Variants in KCNQ3 observed in about 807,000 individuals in gnomAD.
KCNQ3 encodes the protein potassium voltage-gated channel subfamily Q member 3, also known as potassium voltage-gated channel subfamily KQT member 3.
In KCNQ3, 30 loss-of-function variants were observed where a neutral mutation model predicts 92.5. The observed-to-expected ratio is 0.32, with a 90% CI of 0.24 to 0.44. The LOEUF is 0.44. Ranked by LOEUF, KCNQ3 falls within the 20% of genes least tolerant of loss-of-function variation. The probability of loss-of-function intolerance (pLI) is 1.00; values close to 1 mark genes in which losing one functional copy is unlikely to be tolerated. For synonymous variants in KCNQ3, 450 were observed against 468.8 expected (o/e 0.96, Z 0.52); for missense variants, 913 against 1,140.3 (o/e 0.80, Z 2.87).
At chr8:132,318,592 AT>A in intron 1 of KCNQ3, among the ~76,000 whole-genome samples, 1 of 152,252 alleles carries the variant, frequency 6.6e-6, no homozygotes. Flanking sequence ...AGTCCTTGCT[AT>A]TTGGTGTTGC....
At chr8:132,253,606 G>T (rs182761131) in intron 1 of KCNQ3, among the ~76,000 whole-genome samples, 71 of 152,302 alleles carry the variant, frequency 4.7e-4, no homozygotes, top group Non-Finnish European at 8.4e-4. Flanking sequence ...ACATGTGTTT[G>T]CATTTTCCCT....
At chr8:132,423,969 T>TA (rs202140716) in intron 1 of KCNQ3, among the ~76,000 whole-genome samples, 1,524 of 151,356 alleles carry the variant, frequency 0.01, 13 homozygotes, top group Non-Finnish European at 0.016. Flanking sequence ...TTCTGGGATT[T>TA]AAAAAAAAAC....
At chr8:132,403,580 A>G (rs1820404539) in intron 1 of KCNQ3, among the ~76,000 whole-genome samples, 1 of 152,188 alleles carries the variant, frequency 6.6e-6, no homozygotes, top group Non-Finnish European at 1.5e-5. Context: ...AAGGAACACC[A>G]ATGATCCATC....
chr8:132,199,324 T>C (rs1050780408), intron 1 of KCNQ3, among the ~76,000 whole-genome samples: 19 of 152,240 alleles, frequency 1.2e-4, no homozygotes, highest in Non-Finnish European at 2.4e-4. Context: ...CCCCAATTAA[T>C]ACCTGAGTAA....
At chr8:132,345,563 A>G (rs1243529576) in intron 1 of KCNQ3, among the ~76,000 whole-genome samples, 1 of 152,228 alleles carries the variant, frequency 6.6e-6, no homozygotes, top group Non-Finnish European at 1.5e-5. Flanking sequence ...AATCCCATAT[A>G]CAGTGAGAGC....
intron 1 of KCNQ3, among the ~76,000 whole-genome samples, chr8:132,429,620 G>A (rs1821196920): frequency 6.6e-6 from 1 of 152,106 alleles, no homozygotes; most frequent in Non-Finnish European, 1.5e-5. Context: ...CAGCACGTTG[G>A]GAAGCCAAGG....
intron 1 of KCNQ3, among the ~76,000 whole-genome samples, chr8:132,396,250 C>G (rs551452167): frequency 3.3e-5 from 5 of 152,250 alleles, no homozygotes; most frequent in Non-Finnish European, 5.9e-5. Context: ...ACTTGGGTCT[C>G]CCATCCAGTT....
At position 132,394,074 on chromosome 8, in the gene KCNQ3, C is replaced by A. The variant is rs149777356; in HGVS notation, c.386+86073G>T. Among the ~76,000 whole-genome samples, 315 of 152,312 alleles carry A rather than the reference C, an allele frequency of 2.1e-3. 3 individuals carry two copies. The highest frequency in any genetic ancestry group is 2.0e-3 in the Non-Finnish European group (135 of 68,032). On this transcript the variant is annotated intron_variant, in intron 1 of 14. Transcript: ENST00000388996. ...GAAACAGCCAAATACCAACCACGTG[C>A]CAGGCACCAGGCTGCCGGCATTAGA...
At chr8:132,408,157 G>GT in intron 1 of KCNQ3, among the ~76,000 whole-genome samples, 1 of 149,864 alleles carries the variant, frequency 6.7e-6, no homozygotes. Context: ...GGGTAACATC[G>GT]TTTTTTTAAA....
chr8:132,183,407 T>C (rs570989500), intron 3 of KCNQ3, among the ~76,000 whole-genome samples: 11 of 152,118 alleles, frequency 7.2e-5, no homozygotes, highest in Non-Finnish European at 1.5e-4. Flanking sequence ...GACCACTTAA[T>C]GGCTGCTGCT....
chr8:132,317,189 G>T (rs1356586266), intron 1 of KCNQ3, among the ~76,000 whole-genome samples: 1 of 152,056 alleles, frequency 6.6e-6, no homozygotes, highest in Non-Finnish European at 1.5e-5. Context: ...GTTTAATAAA[G>T]GTTTATGGAA....
chr8:132,181,885 A>C (rs1406389239), intron 3 of KCNQ3, among the ~76,000 whole-genome samples: 2 of 150,906 alleles, frequency 1.3e-5, no homozygotes, highest in East Asian at 3.9e-4. Context: ...TACTAAAAAT[A>C]CAAAAAAAAA....
chr8:132,411,021 G>A (rs1019758631), intron 1 of KCNQ3, among the ~76,000 whole-genome samples: 3 of 152,228 alleles, frequency 2.0e-5, no homozygotes, highest in African/African-American at 7.2e-5. Context: ...CTATAAAGCT[G>A]CAGGTGATGC....
intron 9 of KCNQ3, among the ~76,000 whole-genome samples, chr8:132,162,702 A>G (rs1826026872): frequency 6.6e-6 from 1 of 152,188 alleles, no homozygotes; most frequent in African/African-American, 2.4e-5. Context: ...GTCTCTTCCA[A>G]GTGGGATTTT....
At chr8:132,174,666 T>C (rs1826487814) in intron 5 of KCNQ3, among the ~76,000 whole-genome samples, 1 of 152,238 alleles carries the variant, frequency 6.6e-6, no homozygotes, top group Non-Finnish European at 1.5e-5. Flanking sequence ...TGTGAATATA[T>C]GTGTGCTTGT....
At chr8:132,317,340 A>C (rs1817772437) in intron 1 of KCNQ3, among the ~76,000 whole-genome samples, 1 of 152,286 alleles carries the variant, frequency 6.6e-6, no homozygotes, top group South Asian at 2.1e-4. Context: ...AAAAACCATC[A>C]ATTTTCATGC....
chr8:132,369,935 C>T (rs917731513), intron 1 of KCNQ3, among the ~76,000 whole-genome samples: 3 of 152,226 alleles, frequency 2.0e-5, no homozygotes, highest in African/African-American at 4.8e-5. Flanking sequence ...ACTTTCCTCA[C>T]TCTAGGGCTT....
rs549823298 is a variant in KCNQ3, at chr8:132,383,632, T to C, written c.386+96515A>G. Among the ~76,000 whole-genome samples, 101 of 152,326 alleles carry C rather than the reference T, an allele frequency of 6.6e-4. 1 individual carries two copies. The highest frequency in any genetic ancestry group is 2.4e-3 in the Admixed American group (37 of 15,306). ...TAAACACTGGAGGGACAGACAGGAC[T>C]GTGCTTGTTCATCTCTACAGCCCTC... On this transcript the variant is annotated intron_variant, in intron 1 of 14. Transcript: ENST00000388996.
At chr8:132,359,925 T>C (rs1039629508) in intron 1 of KCNQ3, among the ~76,000 whole-genome samples, 4 of 152,212 alleles carry the variant, frequency 2.6e-5, no homozygotes, top group Non-Finnish European at 5.9e-5. Flanking sequence ...TGACTTCATC[T>C]GCATCTCCAT....
Sources: allele counts gnomAD v4.1 joint callset (sites outside exome capture counted in the v4.1 genomes callset), GRCh38; gene constraint gnomAD v4.1.1; transcripts MANE v1.5; gene names NCBI Gene and HGNC (gene_info 2026-07-23, HGNC 2026-07-21).